Variants in KCTD1 observed in about 807,000 individuals in gnomAD.
KCTD1 encodes the protein BTB/POZ domain-containing protein KCTD1.
In KCTD1, 24 loss-of-function variants were observed where a neutral mutation model predicts 66.0. The observed-to-expected ratio is 0.36, with a 90% CI of 0.26 to 0.51. The LOEUF is 0.51. KCTD1 is among the 20% of genes least tolerant of loss of function. The pLI, the probability that KCTD1 is intolerant of heterozygous loss-of-function variation, is 0.95. For synonymous variants in KCTD1, 511 were observed against 517.2 expected, an observed-to-expected ratio of 0.99 and a Z score of 0.16; for missense variants, 943 against 1,205.2, an observed-to-expected ratio of 0.78 and a Z score of 3.22.
chr18:26,629,102 T>A (rs2145037173), intron 1 of KCTD1: 3 of 911,606 alleles, frequency 3.3e-6, no homozygotes, highest in Non-Finnish European at 3.9e-6. Flanking sequence ...TGGCAACAAA[T>A]CTACAACAAA....
At chr18:26,477,921 CTTTCCACGAA>C (rs1251905529) in intron 2 of KCTD1, among the ~76,000 whole-genome samples, 4 of 152,206 alleles carry the variant, frequency 2.6e-5, no homozygotes, top group Non-Finnish European at 5.9e-5. Context: ...TTTTATCCAA[CTTTCCACGAA>C]TTGCCTGTGA....
At chr18:26,495,348 G>A (rs1313608097) in intron 2 of KCTD1, among the ~76,000 whole-genome samples, 1 of 152,174 alleles carries the variant, frequency 6.6e-6, no homozygotes, top group Non-Finnish European at 1.5e-5. Flanking sequence ...CAATCCCTTA[G>A]TGTTGCAGTT....
Position 26,548,166 on chromosome 18 carries a change from T to A in KCTD1, c.371A>T (p.Asn124Ile). Residue 124 changes from asparagine (N) to isoleucine (I), a missense_variant, in exon 1 of 5, where the codon AAT becomes ATT. Around this residue, in one of 10 missense-constraint regions of KCTD1, gnomAD observed 236 missense variants for 206.6 expected, o/e 1.14. Transcript: ENST00000580059. ...CTCCAGCGCGGCGCTCTGGTCCATA[T>A]TGATCATATGGACCGGCTCGGGCTC... ...ELEPEPVHMI[N>I]MDQSAALEPE... 6.7e-7 allele frequency: 1 copy of A among 1,484,020 alleles called. No homozygotes were observed. Among genetic ancestry groups the A allele is most frequent in the Non-Finnish European group, 8.9e-7 (1 of 1,119,488 alleles). 91.9% of individuals were successfully genotyped at this position (1,484,020 alleles called of 1,614,324 possible).
At chr18:26,467,598 C>T (rs1980813588) in intron 3 of KCTD1, among the ~76,000 whole-genome samples, 3 of 151,948 alleles carry the variant, frequency 2.0e-5, no homozygotes, top group Admixed American at 2.0e-4. Flanking sequence ...GGTGGATCAC[C>T]TGAGGTCAGA....
Position 26,459,965 on chromosome 18 carries a change from CAT to C in KCTD1, c.2134-42_2134-41del, listed in dbSNP as rs748746129. ...GGTATTTCACAGTGCAAACTGCAAA[CAT>C]AAAGTACTAAACATGTCCACATCTA... On this transcript the variant is annotated intron_variant, in intron 3 of 4. Coordinates refer to ENST00000580059, the MANE Select transcript of KCTD1 (RefSeq NM_001142730.3). 1.2e-4 allele frequency: 167 copies of C among 1,437,636 alleles called. No homozygotes were observed. In the South Asian group the frequency reaches 2.2e-3, roughly 19 times the overall value. The allele number at this position is 1,437,636 out of a possible 1,614,324, so 89.1% of individuals were successfully genotyped here. A position where few individuals can be genotyped will look rare whatever the true frequency, so the allele number is the denominator to read the frequency against.
rs987835478 is a variant in KCTD1 at position 26,588,744 on chromosome 18, A to T, written c.-16+40403T>A. On this transcript the variant is annotated intron_variant, in intron 1 of 4. Coordinates refer to the KCTD1 transcript ENST00000317932. ...ATTTGGAGTTTGCATGAGATAGGAG[A>T]CAGTTTGCAAAGCAGAGAGAGGTTC... 2.0e-5 allele frequency among the ~76,000 whole-genome samples: 3 copies of T among 152,060 alleles called. No homozygotes were observed. In the South Asian group the frequency reaches 6.2e-4, roughly 32 times the overall value.
rs181459978 is a variant in KCTD1 at position 26,623,698 on chromosome 18, A to T, written c.-16+5449T>A. 2.8e-3 allele frequency among the ~76,000 whole-genome samples: 430 copies of T among 152,334 alleles called. 9 individuals carry two copies. Among genetic ancestry groups the T allele is most frequent in the Admixed American group, 0.026 (401 of 15,294 alleles). On this transcript the variant is annotated intron_variant, in intron 1 of 4. Coordinates refer to the KCTD1 transcript ENST00000317932. ...CTTTATAGCAGCATAAGAACAGACT[A>T]ATAGAGTAAATTGGTACCAGTAGAG...
chr18:26,549,794 G>A (rs923501559), upstream of KCTD1: 29 of 984,926 alleles, frequency 2.9e-5, no homozygotes, highest in Middle Eastern at 5.2e-4. Context: ...GCGGGGGCGG[G>A]CACCTCGGAA....
At position 26,547,980 on chromosome 18, in the gene KCTD1, T is replaced by C; in HGVS notation, c.557A>G (p.Tyr186Cys). The change falls in exon 1 of 5, where the codon TAC (tyrosine) becomes TGC (cysteine). Residue 186 changes from tyrosine to cysteine, a missense_variant. Around this residue, in one of 10 missense-constraint regions of KCTD1, gnomAD observed 96 missense variants for 132.5 expected, o/e 0.72. Transcript: ENST00000580059. Reference protein sequence around the residue: ...TRYAVRIFREYLSEKAQSPDF... With the variant: ...TRYAVRIFRECLSEKAQSPDF... Reference sequence around the variant, plus strand: ...CGGGCTCTGCGCCTTCTCGCTCAGGTACTCCCGGAAGATGCGCACGGCGTA... The same window carrying C: ...CGGGCTCTGCGCCTTCTCGCTCAGGCACTCCCGGAAGATGCGCACGGCGTA... 1 of 1,539,242 alleles carries C rather than the reference T, an allele frequency of 6.5e-7. No individual in the cohort carries two copies. Among genetic ancestry groups the C allele is most frequent in the Non-Finnish European group, 8.7e-7 (1 of 1,145,364 alleles).
intron 1 of KCTD1, among the ~76,000 whole-genome samples, chr18:26,526,084 A>G (rs1364560424): frequency 2.0e-5 from 3 of 151,968 alleles, no homozygotes; most frequent in South Asian, 2.1e-4. Flanking sequence ...ACCAGATCCT[A>G]TGTTTCTGGA....
chr18:26,497,843 G>T (rs998595314), intron 2 of KCTD1, among the ~76,000 whole-genome samples: 1 of 152,268 alleles, frequency 6.6e-6, no homozygotes, highest in South Asian at 2.1e-4. Context: ...GTGACCGGCT[G>T]GGGTATTTAA....
At chr18:26,514,509 C>T (rs981961783) in intron 1 of KCTD1, among the ~76,000 whole-genome samples, 4 of 145,910 alleles carry the variant, frequency 2.7e-5, no homozygotes, top group Non-Finnish European at 5.9e-5. Context: ...ATGATCATGC[C>T]ACTGCATCCT....
intron 1 of KCTD1, among the ~76,000 whole-genome samples, chr18:26,567,763 A>G (rs1369379281): frequency 6.6e-6 from 1 of 152,076 alleles, no homozygotes; most frequent in African/African-American, 2.4e-5. Flanking sequence ...CTGGGATTAC[A>G]GGTGTGAGCC....
At chr18:26,606,418 G>A (rs1376496006) in intron 1 of KCTD1, among the ~76,000 whole-genome samples, 1 of 152,112 alleles carries the variant, frequency 6.6e-6, no homozygotes, top group Non-Finnish European at 1.5e-5. Flanking sequence ...TTTTAGTTTT[G>A]GTTTACACTT....
intron 1 of KCTD1, chr18:26,575,479 C>T (rs1986204749): frequency 6.6e-6 from 1 of 152,244 alleles, no homozygotes. Flanking sequence ...ACTTTCCTCT[C>T]TCTGTCTCTC....
At chr18:26,545,921 T>A (rs1985189825) in intron 1 of KCTD1, 1 of 152,106 alleles carries the variant, frequency 6.6e-6, no homozygotes, top group Non-Finnish European at 1.5e-5. Context: ...GTGAAGTGAT[T>A]TGTCCATGCT....
At position 26,548,305 on chromosome 18, in the gene KCTD1, C is replaced by T. The variant is rs1220722727; in HGVS notation, c.232G>A (p.Glu78Lys). The change falls in exon 1 of 5, where the codon GAG becomes AAG. Residue 78 changes from glutamate (E) to lysine (K), a missense_variant. Transcript: ENST00000580059. ...EVQITGDEEE[E>K]EDGGGGLEED... ...TCCAGCCCCCCACCTCCGTCCTCCT[C>T]CTCCTCCTCGTCCCCCGTTATCTGC... 2 of 1,506,520 alleles carry T rather than the reference C, an allele frequency of 1.3e-6. No individual in the cohort carries two copies. Among genetic ancestry groups the T allele is most frequent in the South Asian group, 2.5e-5 (2 of 80,042 alleles). The allele number at this position is 1,506,520 out of a possible 1,614,324, so 93.3% of individuals were successfully genotyped here. A position where few individuals can be genotyped will look rare whatever the true frequency, so the allele number is the denominator to read the frequency against.
chr18:26,459,289 A>G, intron 4 of KCTD1: 1 of 253,604 alleles, frequency 3.9e-6, no homozygotes, highest in Admixed American at 4.9e-5. Flanking sequence ...CTGTCTCACT[A>G]TGTTGCCCAG....
At chr18:26,624,328 C>T (rs1470664777) in intron 1 of KCTD1, among the ~76,000 whole-genome samples, 2 of 152,206 alleles carry the variant, frequency 1.3e-5, no homozygotes. Context: ...TATCAGAGAA[C>T]TTCATGGCAG....
Sources: gnomAD v4.1 joint callset for allele counts (sites outside exome capture counted in the v4.1 genomes callset) on GRCh38, gnomAD v4.1.1 for gene constraint, gnomAD v4.1.1 regional missense constraint, MANE v1.5 for transcripts, NCBI Gene and HGNC (gene_info 2026-07-23, HGNC 2026-07-21) for gene names.